PTPN3: variants seen among roughly 807,000 people sequenced by gnomAD.
The protein encoded by PTPN3 is tyrosine-protein phosphatase non-receptor type 3.
A neutral mutation model predicts 132.7 loss-of-function variants in PTPN3; 96 were observed. The observed-to-expected ratio is 0.72, with a 90% CI of 0.61 to 0.86. The LOEUF (loss-of-function observed/expected upper bound fraction) is 0.86. Ranked by LOEUF, PTPN3 falls within the 40% of genes least tolerant of loss-of-function variation. The probability of loss-of-function intolerance (pLI) is 0.00; values close to 1 mark genes in which losing one functional copy is unlikely to be tolerated. For missense variants in PTPN3, 1,125 were observed against 1,159.6 expected (o/e 0.97, Z 0.43); for synonymous variants, 398 against 429.0 (o/e 0.93, Z 0.89).
intron 9 of PTPN3, among the ~76,000 whole-genome samples, chr9:109,433,920 A>ATT (rs1444565563): frequency 0.31 from 41,608 of 132,272 alleles, 8,402 homozygotes; most frequent in African/African-American, 0.5. Context: ...TCTGTTTAAA[A>ATT]AAAAAAAAAA....
rs191660985 is a variant in PTPN3, at chr9:109,377,459, A to G, written c.*2097T>C. 1 of 104,492 alleles carries G rather than the reference A, an allele frequency of 9.6e-6. No individual in the cohort carries two copies. Among genetic ancestry groups the G allele is most frequent in the Non-Finnish European group, 2.0e-5 (1 of 50,246 alleles). The allele number at this position is 104,492 out of a possible 1,614,324, so 6.5% of individuals were successfully genotyped here. ...ACACACACACACACACACACACACAAGCCAGGTGAGGTGGCATGTGCCTAT... is the reference window on the plus strand; with the variant it reads ...ACACACACACACACACACACACACAGGCCAGGTGAGGTGGCATGTGCCTAT... On this transcript the variant is annotated 3_prime_UTR_variant, in exon 26 of 26. Coordinates refer to ENST00000374541, the MANE Select transcript of PTPN3 (RefSeq NM_002829.4).
intron 1 of PTPN3, among the ~76,000 whole-genome samples, chr9:109,495,474 G>A (rs778602138): frequency 1.7e-4 from 26 of 152,180 alleles, no homozygotes; most frequent in Admixed American, 4.6e-4. Context: ...TGTCTCTTGT[G>A]TGCCTGGACC....
intron 10 of PTPN3, among the ~76,000 whole-genome samples, chr9:109,430,774 A>G (rs755311542): frequency 7.2e-5 from 11 of 152,200 alleles, no homozygotes; most frequent in Non-Finnish European, 1.6e-4. Context: ...ATAGGCTCCT[A>G]TGGCCCGTGA....
At chr9:109,474,975 C>T (rs1008446284) in intron 1 of PTPN3, among the ~76,000 whole-genome samples, 1 of 152,146 alleles carries the variant, frequency 6.6e-6, no homozygotes, top group Non-Finnish European at 1.5e-5. Context: ...AATTAACTTG[C>T]ACCTAGCTAC....
At chr9:109,391,870 T>TGTGGG (rs1554777546) in intron 19 of PTPN3, among the ~76,000 whole-genome samples, 3 of 29,456 alleles carry the variant, frequency 1.0e-4, no homozygotes, top group African/African-American at 5.1e-4. Context: ...CAACTAGATG[T>TGTGGG]GGGGGGGGGG....
chr9:109,396,977 A>T (rs911112574), intron 19 of PTPN3, among the ~76,000 whole-genome samples: 1 of 152,192 alleles, frequency 6.6e-6, no homozygotes, highest in Non-Finnish European at 1.5e-5. Context: ...AGGCCCAGCA[A>T]GTGGAAGCAA....
At chr9:109,441,524 G>A (rs920190174) in intron 7 of PTPN3, among the ~76,000 whole-genome samples, 2 of 152,222 alleles carry the variant, frequency 1.3e-5, no homozygotes, top group Non-Finnish European at 2.9e-5. Context: ...ATCCACATCT[G>A]CCTCCCTACA....
At chr9:109,430,048 G>A (rs928465694) in intron 10 of PTPN3, among the ~76,000 whole-genome samples, 2 of 152,176 alleles carry the variant, frequency 1.3e-5, no homozygotes, top group Non-Finnish European at 2.9e-5. Flanking sequence ...GTTGGTAGAT[G>A]TAACTGTGAA....
At chr9:109,531,915 G>A in the PTPN3 span, among the ~76,000 whole-genome samples, 1 of 152,170 alleles carries the variant, frequency 6.6e-6, no homozygotes, top group Non-Finnish European at 1.5e-5. Context: ...TGGGACACAG[G>A]TTTGGAGTTG....
At chr9:109,401,208 T>A (rs180920248) in intron 19 of PTPN3, among the ~76,000 whole-genome samples, 73 of 152,322 alleles carry the variant, frequency 4.8e-4, no homozygotes, top group African/African-American at 1.7e-3. Context: ...CATCCCACCA[T>A]ACCCTCCAAA....
At chr9:109,466,598 G>C (rs1337592973) in intron 1 of PTPN3, among the ~76,000 whole-genome samples, 1 of 152,226 alleles carries the variant, frequency 6.6e-6, no homozygotes, top group Non-Finnish European at 1.5e-5. Context: ...TTGTTAAAAT[G>C]CAGACTCTGA....
intron 19 of PTPN3, among the ~76,000 whole-genome samples, chr9:109,400,535 T>C (rs1013636970): frequency 1.3e-5 from 2 of 152,158 alleles, no homozygotes; most frequent in African/African-American, 4.8e-5. Context: ...CTAGCTCAGA[T>C]GTTCTATTAT....
chr9:109,469,578 C>T (rs1846266769), intron 1 of PTPN3, among the ~76,000 whole-genome samples: 1 of 152,200 alleles, frequency 6.6e-6, no homozygotes, highest in Admixed American at 6.5e-5. Flanking sequence ...AAGATCGCGC[C>T]ATTGCACTCC....
the PTPN3 span, chr9:109,533,885 G>T: frequency 1.3e-6 from 1 of 761,976 alleles, no homozygotes; most frequent in Non-Finnish European, 2.4e-6. Flanking sequence ...CCTACGACGT[G>T]GATAGCATCT....
chr9:109,387,697 C>CAA (rs1337864251), intron 22 of PTPN3, among the ~76,000 whole-genome samples: 6 of 152,168 alleles, frequency 3.9e-5, no homozygotes, highest in Non-Finnish European at 5.9e-5. Flanking sequence ...TGCCAGAACT[C>CAA]AAACGCCTCC....
chr9:109,465,104 A>T (rs536130010), intron 1 of PTPN3, among the ~76,000 whole-genome samples: 1 of 152,250 alleles, frequency 6.6e-6, no homozygotes, highest in Non-Finnish European at 1.5e-5. Flanking sequence ...AGAGAGTATA[A>T]TATTTATGAA....
intron 17 of PTPN3, among the ~76,000 whole-genome samples, chr9:109,406,892 C>T: frequency 6.6e-6 from 1 of 152,186 alleles, no homozygotes; most frequent in East Asian, 1.9e-4. Flanking sequence ...CCGTGGTAGT[C>T]AACCTTCACT....
chr9:109,391,833 T>C (rs1052112602), intron 19 of PTPN3, among the ~76,000 whole-genome samples: 4 of 113,830 alleles, frequency 3.5e-5, no homozygotes, highest in African/African-American at 1.4e-4. Context: ...CTTGTCTTTA[T>C]GACAACTATT....
chr9:109,485,272 C>G (rs1042101123), intron 1 of PTPN3, among the ~76,000 whole-genome samples: 1 of 152,152 alleles, frequency 6.6e-6, no homozygotes, highest in East Asian at 1.9e-4. Context: ...CTTTGGGAGG[C>G]CGAGGCGGGT....
Sources: allele counts gnomAD v4.1 joint callset (sites outside exome capture counted in the v4.1 genomes callset), GRCh38; gene constraint gnomAD v4.1.1; transcripts MANE v1.5; gene names NCBI Gene and HGNC (gene_info 2026-07-23, HGNC 2026-07-21).